CD79B: variants seen among roughly 807,000 people sequenced by gnomAD.
CD79B encodes B-cell antigen receptor complex-associated protein beta chain.
In CD79B, 7 loss-of-function variants were observed where a neutral mutation model predicts 30.0. The ratio of observed to expected loss-of-function variants is 0.23; its 90% CI spans 0.13 to 0.44. CD79B has a LOEUF of 0.44. CD79B is among the 20% of genes least tolerant of loss of function. CD79B has a pLI of 1.00. For missense variants in CD79B, 218 were observed against 299.1 expected, an observed-to-expected ratio of 0.73 and a Z score of 2.00; for synonymous variants, 118 against 119.2, an observed-to-expected ratio of 0.99 and a Z score of 0.07.
intron 2 of CD79B, chr17:63,931,130 T>A: frequency 4.7e-6 from 3 of 640,360 alleles, no homozygotes; most frequent in Non-Finnish European, 8.7e-6. Context: ...TGGCCAAGGC[T>A]GGAGGGCATG....
At chr17:63,931,445 C>T (rs1908122512) in intron 1 of CD79B, 60 bp from the exon 2 acceptor site, 10 of 1,523,640 alleles carry the variant, frequency 6.6e-6, no homozygotes, top group African/African-American at 1.4e-5. Context: ...TGGGCTGCCC[C>T]ACCCCTGCAT....
At position 63,929,218 on chromosome 17, in the gene CD79B, C is replaced by G; in HGVS notation, c.*8G>C. On this transcript the variant is annotated 3_prime_UTR_variant, in exon 6 of 6. Transcript: ENST00000006750. Reference sequence around the variant, plus strand: ...AGCCTGCACCCAGGTCATGGGGCGACCTGGCTCTCACTCCTGGCCTGGGTG... The same window carrying G: ...AGCCTGCACCCAGGTCATGGGGCGAGCTGGCTCTCACTCCTGGCCTGGGTG... 1.3e-6 allele frequency: 2 copies of G among 1,597,700 alleles called. No homozygotes were observed. The highest frequency in any genetic ancestry group is 1.7e-6 in the Non-Finnish European group (2 of 1,165,172).
In CD79B at chr17:63,931,306, C is replaced by T. The variant is rs771184057; in HGVS notation, c.118+29G>A. 2.5e-6 allele frequency: 4 copies of T among 1,611,632 alleles called. No individual in the cohort carries two copies. The South Asian group carries it at 4.4e-5, about 18-fold the overall frequency. ...CAGGACATAGTCGCACACAACTTGC[C>T]CTCAGAAGCGGCAGGCGAGGCTACT... On this transcript the variant is annotated intron_variant, in intron 2 of 5. Coordinates refer to ENST00000006750, the MANE Select transcript of CD79B (RefSeq NM_000626.4).
intron 1 of CD79B, chr17:63,931,856 A>T (rs1598401415): frequency 4.4e-6 from 2 of 450,964 alleles, no homozygotes; most frequent in East Asian, 4.2e-5. Flanking sequence ...TCCGGTTGGG[A>T]CAGCCTCTCC....
Position 63,930,181 on chromosome 17 carries a change from G to A in CD79B, c.323C>T (p.Thr108Ile), listed in dbSNP as rs763307022. The stretch of plus-strand genomic sequence containing the variant: ...GTCCTCAAACCGGATGCCTTGGATG[G>A]TGAGGGTGGCGAGAGATTCGTTCTG... ...ESQNESLATL[T>I]IQGIRFEDNG... The change falls in exon 3 of 6, where the codon ACC becomes ATC. Residue 108 changes from threonine to isoleucine, a missense_variant. Transcript: ENST00000006750. 1.9e-5 allele frequency: 31 copies of A among 1,614,090 alleles called. No homozygotes were observed. In the South Asian group the frequency reaches 3.4e-4, roughly 18 times the overall value.
chr17:63,930,581 C>T (rs1267221307), intron 2 of CD79B, 196 bp from the exon 3 acceptor site: 22 of 616,266 alleles, frequency 3.6e-5, no homozygotes, highest in South Asian at 3.5e-4. Flanking sequence ...TGAGAAGCCA[C>T]GGCCAAGCTC....
chr17:63,929,749 C>T (rs1436734233), intron 4 of CD79B, 21 bp downstream of exon 4: 1 of 1,562,050 alleles, frequency 6.4e-7, no homozygotes, highest in Non-Finnish European at 8.8e-7. Context: ...TCCCCCAAGG[C>T]TTCCCCCGTC....
At chr17:63,930,454 CCCCTG>C in intron 2 of CD79B, 69 bp from the exon 3 acceptor site, 1 of 1,424,552 alleles carries the variant, frequency 7.0e-7, no homozygotes, top group South Asian at 1.2e-5. Context: ...CAGCAGCAGG[CCCCTG>C]CCCTGGCTGG....
chr17:63,931,659 A>T (rs1908134095), intron 1 of CD79B, among the ~76,000 whole-genome samples: 1 of 151,896 alleles, frequency 6.6e-6, no homozygotes. Context: ...AAATCTCAGT[A>T]TTTTGAGAGG....
At chr17:63,929,987 C>A in intron 3 of CD79B, 87 bp downstream of exon 3, 1 of 1,559,130 alleles carries the variant, frequency 6.4e-7, no homozygotes, top group South Asian at 1.1e-5. Flanking sequence ...CCTGAGTGCT[C>A]TAGGGCCATG....
intron 1 of CD79B, chr17:63,931,831 T>C (rs1206461453): frequency 9.7e-5 from 41 of 423,958 alleles, no homozygotes; most frequent in Non-Finnish European, 1.1e-4. Context: ...CATTTGGATC[T>C]TGCATCTTCC....
intron 2 of CD79B, 61 bp downstream of exon 2, chr17:63,931,274 T>C: frequency 6.4e-7 from 1 of 1,552,398 alleles, no homozygotes; most frequent in African/African-American, 1.4e-5. Flanking sequence ...GGGACCATAG[T>C]CGGACACAGG....
chr17:63,930,239 G>C lies in CD79B; in HGVS notation c.265C>G (p.Leu89Val). 1 of 1,614,198 alleles carries C rather than the reference G, an allele frequency of 6.2e-7. No homozygotes were observed. Among genetic ancestry groups the C allele is most frequent in the Non-Finnish European group, 8.5e-7 (1 of 1,180,032 alleles). The change falls in exon 3 of 6, where the codon CTG (leucine) becomes GTG (valine). Residue 89 changes from leucine to valine, a missense_variant. Leu to Val is a conservative substitution (Grantham distance 32). Transcript: ENST00000006750. ...KQEMDENPQQ[L>V]KLEKGRMEES... ...TCCATGCGGCCCTTTTCCAGCTTCA[G>C]CTGCTGGGGATTCTCGTCCATCTCC... is the stretch of plus-strand genomic sequence containing the variant.
intron 4 of CD79B, 137 bp from the exon 5 acceptor site, chr17:63,929,612 G>T (rs1432187569): frequency 3.8e-5 from 37 of 970,990 alleles, no homozygotes; most frequent in Non-Finnish European, 5.5e-5. Flanking sequence ...GCTGAATGAA[G>T]GAAGGAAGGA....
chr17:63,929,290 T>A lies in CD79B; in HGVS notation c.626A>T (p.Asp209Val), dbSNP rs1359648287. The change falls in exon 6 of 6, where the codon GAC becomes GTC. Residue 209 changes from aspartate (D) to valine (V), a missense_variant. By Grantham distance (152) the Asp-to-Val change is radical. Transcript: ENST00000006750. ...TTCCCCTGTCCGCAGCGTCACTATG[T>A]CCTCATAGGTGGCTGTCTGGTCAAT... ...LDIDQTATYE[D>V]IVTLRTGEVK... 1.9e-6 allele frequency: 3 copies of A among 1,613,978 alleles called. No homozygotes were observed. The highest frequency in any genetic ancestry group is 2.5e-6 in the Non-Finnish European group (3 of 1,179,914).
chr17:63,930,652 T>G, intron 2 of CD79B: 1 of 561,424 alleles, frequency 1.8e-6, no homozygotes, highest in East Asian at 3.1e-5. Flanking sequence ...GGAAGAGCCC[T>G]GGGACCTTGC....
At chr17:63,931,859 G>A (rs1567811564) in intron 1 of CD79B, 2 of 459,518 alleles carry the variant, frequency 4.4e-6, no homozygotes, top group Non-Finnish European at 8.1e-6. Flanking sequence ...GGTTGGGACA[G>A]CCTCTCCCCT....
chr17:63,930,455 C>T (rs1908058261), intron 2 of CD79B, 70 bp from the exon 3 acceptor site: 4 of 1,417,268 alleles, frequency 2.8e-6, no homozygotes, highest in South Asian at 1.2e-5. Context: ...AGCAGCAGGC[C>T]CCTGCCCTGG....
chr17:63,931,510 C>T, intron 1 of CD79B, 125 bp from the exon 2 acceptor site: 1 of 858,010 alleles, frequency 1.2e-6, no homozygotes, highest in Non-Finnish European at 1.9e-6. Context: ...CTTCAAGACC[C>T]CTCGGTCCTC....
Sources: allele counts gnomAD v4.1 joint callset (sites outside exome capture counted in the v4.1 genomes callset), GRCh38; gene constraint gnomAD v4.1.1; transcripts MANE v1.5; gene names NCBI Gene and HGNC (gene_info 2026-07-23, HGNC 2026-07-21).